Variants in ZFHX3 observed in about 807,000 individuals in gnomAD.
The protein encoded by ZFHX3 is zinc finger homeobox protein 3.
In ZFHX3, 42 loss-of-function variants were observed where a neutral mutation model predicts 279.1. The observed-to-expected ratio is 0.15, with a 90% CI of 0.12 to 0.19. The LOEUF is 0.19. ZFHX3 is among the 10% of genes least tolerant of loss of function. ZFHX3 has a pLI of 1.00. For synonymous variants in ZFHX3, 2,293 were observed against 1,957.8 expected (o/e 1.17, Z -4.52); for missense variants, 4,981 against 4,754.0 (o/e 1.05, Z -1.40).
intron 3 of ZFHX3, among the ~76,000 whole-genome samples, chr16:73,416,761 C>G (rs1391655351): frequency 6.9e-6 from 1 of 145,552 alleles, no homozygotes; most frequent in Non-Finnish European, 1.6e-5. Flanking sequence ...GTAGTCCCAG[C>G]TACCAGGGAG....
intron 5 of ZFHX3, among the ~76,000 whole-genome samples, chr16:73,198,916 A>G (rs1297843078): frequency 6.6e-6 from 1 of 152,244 alleles, no homozygotes; most frequent in Admixed American, 6.5e-5. Flanking sequence ...AAAGCAAACC[A>G]TCAACATCAA....
rs144430548 is a variant in ZFHX3 at position 72,840,593 on chromosome 16, C to T, written c.3449-10734G>A. ...ACAACAGAGAAAAATAAAACCATGACTCCAGAGGTCTGAGTCACATGAGGA... is the reference window on the plus strand; with the variant it reads ...ACAACAGAGAAAAATAAAACCATGATTCCAGAGGTCTGAGTCACATGAGGA... On this transcript the variant is annotated intron_variant, in intron 4 of 9. Coordinates refer to ENST00000268489, the MANE Select transcript of ZFHX3 (RefSeq NM_006885.4). Among the ~76,000 whole-genome samples the T allele has an allele frequency of 4.5e-3, 682 of 152,340 alleles. 3 individuals are homozygous for T. Among genetic ancestry groups the T allele is most frequent in the African/African-American group, 0.015 (644 of 41,584 alleles).
At chr16:73,372,473 A>G (rs1241051524) in intron 3 of ZFHX3, among the ~76,000 whole-genome samples, 1 of 152,376 alleles carries the variant, frequency 6.6e-6, no homozygotes, top group African/African-American at 2.4e-5. Context: ...TAAAGAATTA[A>G]TGGGTAAATA....
chr16:73,416,487 G>A (rs2017583258), intron 3 of ZFHX3, among the ~76,000 whole-genome samples: 1 of 152,110 alleles, frequency 6.6e-6, no homozygotes, highest in Non-Finnish European at 1.5e-5. Flanking sequence ...CTAACTTTAG[G>A]GGGAACATGG....
intron 3 of ZFHX3, among the ~76,000 whole-genome samples, chr16:72,923,824 A>G (rs906628442): frequency 6.6e-5 from 10 of 152,184 alleles, no homozygotes; most frequent in African/African-American, 2.4e-4. Flanking sequence ...CGATCAACAT[A>G]CACAGTTGAC....
intron 3 of ZFHX3, among the ~76,000 whole-genome samples, chr16:73,452,865 C>A (rs1417642404): frequency 6.6e-6 from 1 of 152,200 alleles, no homozygotes; most frequent in Non-Finnish European, 1.5e-5. Flanking sequence ...TATTAACGCA[C>A]CAGACATTAA....
chr16:73,759,842 A>G (rs995552699), intron 1 of ZFHX3, among the ~76,000 whole-genome samples: 1 of 151,388 alleles, frequency 6.6e-6, no homozygotes, highest in Non-Finnish European at 1.5e-5. Context: ...TTTGCTTACC[A>G]GAGCTAACTG....
intron 1 of ZFHX3, among the ~76,000 whole-genome samples, chr16:73,834,332 G>A (rs1961081545): frequency 1.3e-5 from 2 of 152,190 alleles, no homozygotes; most frequent in Admixed American, 1.3e-4. Flanking sequence ...CTTTACTCAT[G>A]AAAAAGGTTA....
In ZFHX3 at chr16:72,953,208, C is replaced by A. The variant is rs145413969; in HGVS notation, c.2720-2243G>T. Among the ~76,000 whole-genome samples, 1,231 of 151,778 alleles carry A rather than the reference C, an allele frequency of 8.1e-3. 21 individuals carry two copies. The highest frequency in any genetic ancestry group is 0.028 in the African/African-American group (1,165 of 41,356). On this transcript the variant is annotated intron_variant, in intron 2 of 9. Transcript: ENST00000268489. Reference sequence around the variant, plus strand: ...TCCAGAAGGCTTAGGAAGCTTTCGGCTTGTTGTCTGTCTTCCCATCTCCCC... The same window carrying A: ...TCCAGAAGGCTTAGGAAGCTTTCGGATTGTTGTCTGTCTTCCCATCTCCCC...
At chr16:73,095,975 TCTGAA>T (rs1392888376) in intron 7 of ZFHX3, among the ~76,000 whole-genome samples, 1 of 152,088 alleles carries the variant, frequency 6.6e-6, no homozygotes, top group East Asian at 1.9e-4. Context: ...TGCCTTGAAA[TCTGAA>T]TAAAAGCACA....
At chr16:72,866,052 G>A (rs1488085014) in intron 4 of ZFHX3, among the ~76,000 whole-genome samples, 4 of 152,178 alleles carry the variant, frequency 2.6e-5, no homozygotes, top group Non-Finnish European at 4.4e-5. Flanking sequence ...TGATGCGGTC[G>A]TGAGATGCCC....
intron 2 of ZFHX3, among the ~76,000 whole-genome samples, chr16:73,579,854 TTATATATA>T (rs200667144): frequency 7.1e-6 from 1 of 140,972 alleles, no homozygotes. Flanking sequence ...ATTATACAGA[TTATATATA>T]TATATATATA....
At chr16:73,390,473 G>T (rs1265672910) in intron 3 of ZFHX3, among the ~76,000 whole-genome samples, 2 of 152,144 alleles carry the variant, frequency 1.3e-5, no homozygotes, top group Non-Finnish European at 2.9e-5. Context: ...GCCAAGCTTT[G>T]CACCGGTGGC....
intron 1 of ZFHX3, among the ~76,000 whole-genome samples, chr16:73,876,485 G>A (rs2029950964): frequency 6.6e-6 from 1 of 152,108 alleles, no homozygotes; most frequent in Non-Finnish European, 1.5e-5. Flanking sequence ...ATCCACATAT[G>A]GGGTATATGT....
intron 1 of ZFHX3, among the ~76,000 whole-genome samples, chr16:73,820,223 G>A (rs1171272889): frequency 6.6e-6 from 1 of 151,980 alleles, no homozygotes; most frequent in African/African-American, 2.4e-5. Context: ...CCGAGTAGCT[G>A]GGACTACAGG....
intron 1 of ZFHX3, among the ~76,000 whole-genome samples, chr16:72,960,902 G>A (rs528320968): frequency 6.6e-6 from 1 of 151,978 alleles, no homozygotes; most frequent in African/African-American, 2.4e-5. Flanking sequence ...AAAACAGAGG[G>A]GCTTCAATCT....
intron 1 of ZFHX3, among the ~76,000 whole-genome samples, chr16:73,752,469 G>C (rs1443611269): frequency 6.6e-6 from 1 of 152,108 alleles, no homozygotes. Flanking sequence ...CCCATACTCT[G>C]TCTCTGTTTA....
At position 73,118,167 on chromosome 16, in the gene ZFHX3, G is replaced by C. The variant is rs141701277; in HGVS notation, c.-897+12801C>G. Among the ~76,000 whole-genome samples, 23 of 152,226 alleles carry C rather than the reference G, an allele frequency of 1.5e-4. 1 individual carries two copies. In the East Asian group the frequency reaches 4.4e-3, roughly 29 times the overall value. On this transcript the variant is annotated intron_variant, in intron 7 of 17. Transcript: ENST00000641206. ...CTCTGTGGTCTATATTAGATACCAA[G>C]AATTCTTTCTATTGCCAGAGGTCTT...
chr16:72,958,736 TTCC>T lies in ZFHX3; in HGVS notation c.1407_1409del (p.Glu471del), dbSNP rs755770629. On this transcript the variant is annotated inframe_deletion, in exon 2 of 10. Coordinates refer to ENST00000268489, the MANE Select transcript of ZFHX3 (RefSeq NM_006885.4). ...CTTCTTCCTCCTCCTCCTCCGCCTC[TTCC>T]TCCTCCTCTTCCTCCTCCGCCTCCT... 14 of 1,608,922 alleles carry T rather than the reference TTCC, an allele frequency of 8.7e-6. No individual in the cohort carries two copies. The highest frequency in any genetic ancestry group is 5.5e-5 in the South Asian group (5 of 90,752).
Sources: allele counts gnomAD v4.1 joint callset (sites outside exome capture counted in the v4.1 genomes callset), GRCh38; gene constraint gnomAD v4.1.1; transcripts MANE v1.5; gene names NCBI Gene and HGNC (gene_info 2026-07-23, HGNC 2026-07-21).